The following SLC6A3 variants were observed in gnomAD, a reference collection of about 807,000 sequenced individuals.
The protein encoded by SLC6A3 is solute carrier family 6 member 3, also known as sodium-dependent dopamine transporter.
SLC6A3 carries 19 observed loss-of-function variants against 70.4 expected under a neutral mutation model. The observed-to-expected ratio is 0.27, with a 90% CI of 0.19 to 0.40. The LOEUF (loss-of-function observed/expected upper bound fraction) is 0.40, where lower values mean the gene tolerates loss of function less well. Ranked by LOEUF, SLC6A3 falls within the 10% of genes least tolerant of loss-of-function variation. SLC6A3 has a pLI of 1.00. For synonymous variants in SLC6A3, 368 were observed against 356.6 expected (o/e 1.03, Z -0.36); for missense variants, 613 against 838.5 (o/e 0.73, Z 3.32).
At chr5:1,439,133 C>T (rs1033490789) in intron 3 of SLC6A3, among the ~76,000 whole-genome samples, 3 of 152,154 alleles carry the variant, frequency 2.0e-5, no homozygotes, top group South Asian at 2.1e-4. Flanking sequence ...AACAACAGGC[C>T]TGGGTCTTCC....
chr5:1,403,673 G>C (rs1469604595), intron 12 of SLC6A3, among the ~76,000 whole-genome samples: 1 of 151,996 alleles, frequency 6.6e-6, no homozygotes, highest in Non-Finnish European at 1.5e-5. Context: ...AGACACAACT[G>C]TGACCCATGC....
Position 1,438,079 on chromosome 5 carries a change from C to T in SLC6A3, c.418+3280G>A, listed in dbSNP as rs920711728. Among the ~76,000 whole-genome samples the T allele has an allele frequency of 2.6e-5, 4 of 152,186 alleles. No homozygotes were observed. Among genetic ancestry groups the T allele is most frequent in the Admixed American group, 6.5e-5 (1 of 15,276 alleles). On this transcript the variant is annotated intron_variant, in intron 3 of 14. Transcript: ENST00000270349. This position sits in a 1 kb window ranked among gnomAD's most constrained non-coding sequence, Gnocchi z 6.5. ...GGGACGCTGGCACCGGAACCTGCAG[C>T]GTTACTGAGATTCAACAACTCAAGG...
In SLC6A3 at chr5:1,421,936, C is replaced by G. The variant is rs771007893; in HGVS notation, c.732G>C (p.Leu244=). 47 of 1,613,108 alleles carry G rather than the reference C, an allele frequency of 2.9e-5. 1 individual carries two copies. Among genetic ancestry groups the G allele is most frequent in the South Asian group, 2.9e-4 (26 of 91,082 alleles). Residue 244 remains leucine, a synonymous_variant, in exon 5 of 15, where the codon CTG becomes CTC. Coordinates refer to ENST00000270349, the MANE Select transcript of SLC6A3 (RefSeq NM_001044.5). This position sits in a 1 kb window ranked among gnomAD's most constrained non-coding sequence, Gnocchi z 7.2. Reference sequence around the variant, plus strand: ...AGTAGAGCAGCACGATGACCAGCACCAGGCAGGCTGTGAGCTGCCACCGCG... The same window carrying G: ...AGTAGAGCAGCACGATGACCAGCACGAGGCAGGCTGTGAGCTGCCACCGCG... ...GPPRWQLTAC[L]VLVIVLLYFS...
At chr5:1,419,061 T>C (rs1756374979) in intron 6 of SLC6A3, among the ~76,000 whole-genome samples, 1 of 149,666 alleles carries the variant, frequency 6.7e-6, no homozygotes, top group African/African-American at 2.5e-5. Flanking sequence ...CCATCATCCA[T>C]CCATTATCCA....
chr5:1,406,403 C>A lies in SLC6A3; in HGVS notation c.1499-115G>T. ...GGCCCCACCTACCGGCCCCAGGCTT[C>A]GGCTGCACCCAGCCTCCTGCAGAGG... On this transcript the variant is annotated intron_variant, in intron 11 of 14. Transcript: ENST00000270349. This position sits in a 1 kb window ranked among gnomAD's most constrained non-coding sequence, Gnocchi z 8.8. 1.1e-6 allele frequency: 1 copy of A among 895,134 alleles called. No homozygotes were observed. Among genetic ancestry groups the A allele is most frequent in the Non-Finnish European group, 1.9e-6 (1 of 539,968 alleles). The allele number at this position is 895,134 out of a possible 1,614,324, so 55.4% of individuals were successfully genotyped here. A position where few individuals can be genotyped will look rare whatever the true frequency, so the allele number is the denominator to read the frequency against.
Position 1,443,176 on chromosome 5 carries a change from C to T in SLC6A3, c.22G>A (p.Val8Met), listed in dbSNP as rs1243839869. 45 of 1,614,132 alleles carry T rather than the reference C, an allele frequency of 2.8e-5. No individual in the cohort carries two copies. The highest frequency in any genetic ancestry group is 1.8e-4 in the South Asian group (16 of 91,090). The stretch of plus-strand genomic sequence containing the variant: ...GCCACCACGGAAGACATGAGTCCCA[C>T]GGAGCATTTGCTCTTACTCATGGGC... MSKSKCS[V>M]GLMSSVVAPA... Residue 8 changes from valine (V) to methionine (M), a missense_variant, in exon 2 of 15, where the codon GTG becomes ATG. Around this residue, in one of 4 missense-constraint regions of SLC6A3, gnomAD observed 111 missense variants for 91.6 expected, o/e 1.21. Transcript: ENST00000270349.
chr5:1,410,987 C>T (rs1756108009), intron 9 of SLC6A3, among the ~76,000 whole-genome samples: 1 of 152,022 alleles, frequency 6.6e-6, no homozygotes. Context: ...TTTCCAGGAT[C>T]TGTAGGTGGC....
At chr5:1,410,345 G>A (rs1338206546) in intron 9 of SLC6A3, among the ~76,000 whole-genome samples, 2 of 152,150 alleles carry the variant, frequency 1.3e-5, no homozygotes, top group African/African-American at 2.4e-5. Flanking sequence ...CACCTTGCTC[G>A]GTCCAGACCC....
At position 1,421,018 on chromosome 5, in the gene SLC6A3, G is replaced by GTGGA. The variant is rs1163807537; in HGVS notation, c.793-319_793-316dup. On this transcript the variant is annotated intron_variant, in intron 5 of 14. Transcript: ENST00000270349. This position sits in a 1 kb window ranked among gnomAD's most constrained non-coding sequence, Gnocchi z 7.2. ...GGGTTTTCTGATGCGTGGGACGTGAGTGGATTCACACTGGTGAACGGCACT... is the reference window on the plus strand; with the variant it reads ...GGGTTTTCTGATGCGTGGGACGTGAGTGGATGGATTCACACTGGTGAACGGCACT... Among the ~76,000 whole-genome samples the GTGGA allele has an allele frequency of 6.6e-6, 1 of 152,206 alleles. No individual in the cohort carries two copies. Among genetic ancestry groups the GTGGA allele is most frequent in the African/African-American group, 2.4e-5 (1 of 41,454 alleles).
rs982349890 is a variant in SLC6A3 at position 1,435,330 on chromosome 5, C to A, written c.419-2632G>T. Among the ~76,000 whole-genome samples the A allele has an allele frequency of 2.6e-5, 4 of 152,258 alleles. No individual in the cohort carries two copies. In the East Asian group the frequency reaches 7.7e-4, roughly 29 times the overall value. On this transcript the variant is annotated intron_variant, in intron 3 of 14. Transcript: ENST00000270349. ...CCATGGTGGTAACTGACAATGGATG[C>A]CCAATTTGAAAATTTTTCAAGGTTA...
intron 6 of SLC6A3, chr5:1,416,546 C>CATTTT: frequency 4.6e-6 from 2 of 433,348 alleles, no homozygotes; most frequent in South Asian, 4.3e-5. Context: ...ACCACAGCAT[C>CATTTT]CTAATAACCC....
At chr5:1,416,073 CT>C in intron 7 of SLC6A3, 24 bp downstream of exon 7, 1 of 1,566,474 alleles carries the variant, frequency 6.4e-7, no homozygotes, top group Non-Finnish European at 8.8e-7. Context: ...GATGAGGCCC[CT>C]GCCTGGCCCT....
Position 1,397,684 on chromosome 5 carries a change from A to G in SLC6A3, c.1840-2926T>C, listed in dbSNP as rs1755753625. Among the ~76,000 whole-genome samples, 2 of 152,212 alleles carry G rather than the reference A, an allele frequency of 1.3e-5. No homozygotes were observed. The highest frequency in any genetic ancestry group is 4.1e-4 in the South Asian group (2 of 4,826). ...CAGTGCTTTCGTGAATGAGAGCAGC[A>G]TAAAGATGTTCCCACACACCAATAG... is the stretch of plus-strand genomic sequence containing the variant. On this transcript the variant is annotated intron_variant, in intron 14 of 14. Transcript: ENST00000270349. This position sits in a 1 kb window ranked among gnomAD's most constrained non-coding sequence, Gnocchi z 4.7.
At position 1,437,551 on chromosome 5, in the gene SLC6A3, T is replaced by G. The variant is rs558301735; in HGVS notation, c.418+3808A>C. On this transcript the variant is annotated intron_variant, in intron 3 of 14. Transcript: ENST00000270349. The surrounding 1 kb of genome is among the most constrained non-coding windows in gnomAD (Gnocchi z 4.8). ...AGGACCCTGGGGTGCACTGCGGGGCTGAAGGCCCCAGAGGCCCCTCTGGCT... is the reference window on the plus strand; with the variant it reads ...AGGACCCTGGGGTGCACTGCGGGGCGGAAGGCCCCAGAGGCCCCTCTGGCT... Among the ~76,000 whole-genome samples, 52 of 152,346 alleles carry G rather than the reference T, an allele frequency of 3.4e-4. No homozygotes were observed. The highest frequency in any genetic ancestry group is 7.1e-4 in the Non-Finnish European group (48 of 68,018).
At chr5:1,422,081 GCTTGTCCGGGGAC>G in intron 4 of SLC6A3, 67 bp from the exon 5 acceptor site, 1 of 1,533,648 alleles carries the variant, frequency 6.5e-7, no homozygotes, top group Non-Finnish European at 8.9e-7. Flanking sequence ...GGACGGCTGA[GCTTGTCCGGGGAC>G]CTGCCCTCCC....
chr5:1,444,234 A>G (rs545141708), intron 1 of SLC6A3, among the ~76,000 whole-genome samples: 1 of 152,256 alleles, frequency 6.6e-6, no homozygotes, highest in South Asian at 2.1e-4. Flanking sequence ...ATCCTGTCCA[A>G]ACGGCTACAT....
chr5:1,443,549 G>A (rs755532727), intron 1 of SLC6A3, among the ~76,000 whole-genome samples: 3 of 152,212 alleles, frequency 2.0e-5, no homozygotes, highest in Non-Finnish European at 4.4e-5. Flanking sequence ...GAGCTCTAGC[G>A]TGGCTTTCTA....
chr5:1,441,601 T>G, intron 2 of SLC6A3, 111 bp from the exon 3 acceptor site: 1 of 1,255,436 alleles, frequency 8.0e-7, no homozygotes, highest in Non-Finnish European at 1.1e-6. Context: ...CCCGACCGTT[T>G]CACCCCACTC....
In SLC6A3 at chr5:1,408,094, G is replaced by A. The variant is rs141476404; in HGVS notation, c.1498+932C>T. 2.5e-3 allele frequency among the ~76,000 whole-genome samples: 379 copies of A among 152,072 alleles called. 1 individual carries two copies. Among genetic ancestry groups the A allele is most frequent in the Non-Finnish European group, 3.9e-3 (268 of 68,018 alleles). On this transcript the variant is annotated intron_variant, in intron 11 of 14. Transcript: ENST00000270349. This position sits in a 1 kb window ranked among gnomAD's most constrained non-coding sequence, Gnocchi z 6.4. ...CGGGTGACTGCAACCTCCGCCTTCCGGGTTCAAGCTGAATCATATTCCATC... is the reference window on the plus strand; with the variant it reads ...CGGGTGACTGCAACCTCCGCCTTCCAGGTTCAAGCTGAATCATATTCCATC...
Sources: gnomAD v4.1 joint callset for allele counts (sites outside exome capture counted in the v4.1 genomes callset) on GRCh38, gnomAD v4.1.1 for gene constraint, gnomAD v4.1.1 regional missense constraint, Gnocchi (gnomAD v3.1) non-coding constraint, MANE v1.5 for transcripts, NCBI Gene and HGNC (gene_info 2026-07-23, HGNC 2026-07-21) for gene names.